The following BIN3 variants were observed in gnomAD, a reference collection of about 807,000 sequenced individuals.
BIN3 encodes the protein bridging integrator 3.
A neutral mutation model predicts 38.2 loss-of-function variants in BIN3; 41 were observed. The ratio of observed to expected loss-of-function variants is 1.07; its 90% CI spans 0.84 to 1.39. The LOEUF (loss-of-function observed/expected upper bound fraction) is 1.39. Among genes scored for constraint, BIN3 ranks in the 40% most tolerant of loss-of-function variants. The probability of loss-of-function intolerance (pLI) is 0.00; values close to 1 mark genes in which losing one functional copy is unlikely to be tolerated. For synonymous variants in BIN3, 145 were observed against 122.6 expected (o/e 1.18, Z -1.21); for missense variants, 361 against 324.3 (o/e 1.11, Z -0.87).
intron 1 of BIN3, among the ~76,000 whole-genome samples, chr8:22,659,466 C>T (rs79751659): frequency 0.034 from 5,205 of 152,308 alleles, 300 homozygotes; most frequent in African/African-American, 0.12. Context: ...TTCCCCACCG[C>T]TCCACAGGCT....
intron 4 of BIN3, 128 bp downstream of exon 4, chr8:22,636,397 C>T: frequency 1.1e-6 from 1 of 943,644 alleles, no homozygotes; most frequent in South Asian, 1.5e-5. Flanking sequence ...CCTGAGGCTG[C>T]TTCTCAGGAC....
At chr8:22,651,289 C>T (rs556409995) in intron 1 of BIN3, among the ~76,000 whole-genome samples, 2 of 152,326 alleles carry the variant, frequency 1.3e-5, no homozygotes, top group African/African-American at 2.4e-5. Flanking sequence ...ACACATTCAT[C>T]GTTATCAGGT....
At chr8:22,624,452 G>C in intron 6 of BIN3, 89 bp from the exon 7 acceptor site, 1 of 1,523,854 alleles carries the variant, frequency 6.6e-7, no homozygotes, top group South Asian at 1.3e-5. Context: ...TGGCCTGGCT[G>C]GAGATGGGTC....
At chr8:22,625,280 C>T (rs1225416825) in intron 6 of BIN3, 9 of 701,334 alleles carry the variant, frequency 1.3e-5, no homozygotes, top group Middle Eastern at 2.7e-4. Context: ...GGCTGGCCCT[C>T]GGTGCAATGG....
chr8:22,632,877 T>G (rs1287485323), intron 4 of BIN3, among the ~76,000 whole-genome samples: 2 of 151,982 alleles, frequency 1.3e-5, no homozygotes, highest in Non-Finnish European at 2.9e-5. Flanking sequence ...CCCACCTAAT[T>G]TTTGTATTTT....
intron 1 of BIN3, among the ~76,000 whole-genome samples, chr8:22,654,113 G>T (rs1802985671): frequency 6.6e-6 from 1 of 152,178 alleles, no homozygotes; most frequent in Non-Finnish European, 1.5e-5. Context: ...ATGGCTCTTG[G>T]TTTTCTCAAA....
At chr8:22,653,058 ATAAAC>A (rs1458375565) in intron 1 of BIN3, among the ~76,000 whole-genome samples, 1 of 152,248 alleles carries the variant, frequency 6.6e-6, no homozygotes, top group African/African-American at 2.4e-5. Flanking sequence ...TCCTCTGCAA[ATAAAC>A]TAAGATGTCA....
At chr8:22,626,162 A>T (rs1345608598) in intron 6 of BIN3, 1 of 152,314 alleles carries the variant, frequency 6.6e-6, no homozygotes, top group Non-Finnish European at 1.5e-5. Context: ...GCCCTTAGAC[A>T]TAGTAATCAA....
At chr8:22,659,736 C>G (rs549923763) in intron 1 of BIN3, among the ~76,000 whole-genome samples, 59 of 152,350 alleles carry the variant, frequency 3.9e-4, no homozygotes, top group Non-Finnish European at 7.3e-4. Flanking sequence ...CTGTGAGACT[C>G]TGGGCAAGTG....
chr8:22,625,296 G>C (rs763719629), intron 6 of BIN3: 8 of 701,962 alleles, frequency 1.1e-5, no homozygotes, highest in Non-Finnish European at 1.8e-5. Context: ...AATGGCAGGG[G>C]GCGTCTACCA....
chr8:22,623,096 G>A (rs1433981512), intron 8 of BIN3, among the ~76,000 whole-genome samples: 1 of 152,242 alleles, frequency 6.6e-6, no homozygotes, highest in African/African-American at 2.4e-5. Context: ...GCCAGGAGGG[G>A]CAGAGCCACA....
At chr8:22,633,265 T>C (rs1175436432) in intron 4 of BIN3, among the ~76,000 whole-genome samples, 1 of 152,014 alleles carries the variant, frequency 6.6e-6, no homozygotes, top group African/African-American at 2.4e-5. Context: ...AGCCCAGGAG[T>C]TCGAGACCAG....
At position 22,669,078 on chromosome 8, in the gene BIN3, G is replaced by C; in HGVS notation, c.-27C>G. ...GTCCCGAACCTGCGTCTGCCGCCGG[G>C]GTCCTCAGCCACAACTCGTTTCTCT... On this transcript the variant is annotated 5_prime_UTR_variant, in exon 1 of 9. Transcript: ENST00000276416. The C allele has an allele frequency of 1.3e-6, 2 of 1,590,884 alleles. No individual in the cohort carries two copies. Among genetic ancestry groups the C allele is most frequent in the Non-Finnish European group, 1.7e-6 (2 of 1,168,990 alleles).
intron 1 of BIN3, among the ~76,000 whole-genome samples, chr8:22,658,070 C>T (rs1009533862): frequency 6.6e-6 from 1 of 152,238 alleles, no homozygotes; most frequent in Admixed American, 6.5e-5. Context: ...CTCCCCAGAG[C>T]GTCTCTGAGT....
At chr8:22,663,425 A>AC (rs1042758285) in intron 1 of BIN3, among the ~76,000 whole-genome samples, 2 of 127,236 alleles carry the variant, frequency 1.6e-5, no homozygotes, top group African/African-American at 3.2e-5. Flanking sequence ...CAACAGTGAG[A>AC]CCCCCCGATT....
chr8:22,658,464 C>A (rs1803129837), intron 1 of BIN3, among the ~76,000 whole-genome samples: 1 of 152,232 alleles, frequency 6.6e-6, no homozygotes, highest in East Asian at 1.9e-4. Context: ...CAAAAAAGCC[C>A]CTGCTCTTGT....
intron 1 of BIN3, among the ~76,000 whole-genome samples, chr8:22,659,368 T>C (rs374254886): frequency 3.9e-5 from 6 of 152,254 alleles, no homozygotes; most frequent in African/African-American, 1.4e-4. Context: ...AGGAGGTATG[T>C]GTGTGTTTAA....
intron 1 of BIN3, among the ~76,000 whole-genome samples, chr8:22,658,895 G>A (rs1426613437): frequency 6.6e-6 from 1 of 152,216 alleles, no homozygotes; most frequent in African/African-American, 2.4e-5. Flanking sequence ...CTGGGCCTGA[G>A]TCACTGTCTC....
chr8:22,640,718 A>G (rs1157518596), intron 2 of BIN3, among the ~76,000 whole-genome samples: 1 of 151,914 alleles, frequency 6.6e-6, no homozygotes, highest in Non-Finnish European at 1.5e-5. Flanking sequence ...CAATCCCCCA[A>G]GTGTGCCGAT....
Sources: gnomAD v4.1 joint callset for allele counts (sites outside exome capture counted in the v4.1 genomes callset) on GRCh38, gnomAD v4.1.1 for gene constraint, MANE v1.5 for transcripts, NCBI Gene and HGNC (gene_info 2026-07-23, HGNC 2026-07-21) for gene names.